The following EHHADH variants were observed in gnomAD, a reference collection of about 807,000 sequenced individuals.
EHHADH encodes enoyl-CoA hydratase and 3-hydroxyacyl CoA dehydrogenase.
A neutral mutation model predicts 64.4 loss-of-function variants in EHHADH; 48 were observed. The ratio of observed to expected loss-of-function variants is 0.75; its 90% CI spans 0.59 to 0.95. The LOEUF (loss-of-function observed/expected upper bound fraction) is 0.95. Ranked by LOEUF, EHHADH falls within the 40% of genes least tolerant of loss-of-function variation. The pLI is 0.00. For missense variants in EHHADH, 854 were observed against 876.6 expected (o/e 0.97, Z 0.33); for synonymous variants, 308 against 326.7 (o/e 0.94, Z 0.62).
chr3:185,235,578 T>TG, intron 2 of EHHADH, 116 bp from the exon 3 acceptor site: 1 of 934,896 alleles, frequency 1.1e-6, no homozygotes, highest in East Asian at 3.1e-5. Flanking sequence ...ATTTCTTAAT[T>TG]TTTTTTAGAG....
chr3:185,227,668 A>G (rs556021843), intron 4 of EHHADH, among the ~76,000 whole-genome samples: 6 of 151,140 alleles, frequency 4.0e-5, no homozygotes, highest in Non-Finnish European at 8.8e-5. Flanking sequence ...TCTACTAAAA[A>G]TACAAAAATT....
At chr3:185,200,187 T>C (rs985067703) in intron 6 of EHHADH, among the ~76,000 whole-genome samples, 3 of 152,196 alleles carry the variant, frequency 2.0e-5, no homozygotes, top group African/African-American at 7.2e-5. Context: ...CCACTGTGGA[T>C]GAAAACAGCT....
chr3:185,221,369 C>T (rs576794370), intron 4 of EHHADH, among the ~76,000 whole-genome samples: 4 of 152,212 alleles, frequency 2.6e-5, no homozygotes, highest in African/African-American at 7.2e-5. Flanking sequence ...ATGAATTTGA[C>T]ATTACATACT....
At chr3:185,206,091 T>A (rs1204789353) in intron 5 of EHHADH, among the ~76,000 whole-genome samples, 3 of 152,140 alleles carry the variant, frequency 2.0e-5, no homozygotes, top group Non-Finnish European at 2.9e-5. Flanking sequence ...CGTGGTTTAT[T>A]GGAAAGATTC....
chr3:185,210,353 G>A (rs952736777), intron 5 of EHHADH, among the ~76,000 whole-genome samples: 1 of 152,236 alleles, frequency 6.6e-6, no homozygotes, highest in Non-Finnish European at 1.5e-5. Context: ...CATAGATTCA[G>A]TTAAGAATCT....
intron 3 of EHHADH, 65 bp downstream of exon 3, chr3:185,235,225 C>T: frequency 7.0e-7 from 1 of 1,421,320 alleles, no homozygotes; most frequent in Non-Finnish European, 9.5e-7. Context: ...CTTATGACTA[C>T]ATTTAGAGTT....
At chr3:185,251,492 A>G (rs1719745656) in intron 1 of EHHADH, among the ~76,000 whole-genome samples, 1 of 152,252 alleles carries the variant, frequency 6.6e-6, no homozygotes. Context: ...AGGCCTATTA[A>G]TCAGGCATGT....
chr3:185,195,620 C>G (rs1271753764), intron 6 of EHHADH, among the ~76,000 whole-genome samples: 2 of 152,186 alleles, frequency 1.3e-5, no homozygotes, highest in African/African-American at 4.8e-5. Context: ...AAATCACACA[C>G]TTGCAACAAC....
In EHHADH at chr3:185,253,973, C is replaced by T. The variant is rs1180155433; in HGVS notation, c.50G>A (p.Arg17Gln). The T allele has an allele frequency of 6.2e-7, 1 of 1,613,912 alleles. No individual in the cohort carries two copies. Among genetic ancestry groups the T allele is most frequent in the African/African-American group, 1.3e-5 (1 of 75,034 alleles). ...CCTGATCGCGTTGACCGGCGGGTTTCGGAGGCGGATTAGCGCCAAGGCGTT... is the reference window on the plus strand; with the variant it reads ...CCTGATCGCGTTGACCGGCGGGTTTTGGAGGCGGATTAGCGCCAAGGCGTT... ...LHNALALIRL[R>Q]NPPVNAISTT... Residue 17 changes from arginine to glutamine, a missense_variant, in exon 1 of 7, where the codon CGA becomes CAA. By Grantham distance (43) the Arg-to-Gln change is conservative. Coordinates refer to ENST00000231887, the MANE Select transcript of EHHADH (RefSeq NM_001966.4).
rs751961403 is a variant in EHHADH at position 185,218,117 on chromosome 3, TTTA to T, written c.568+16_568+18del. On this transcript the variant is annotated intron_variant, in intron 5 of 6. Coordinates refer to ENST00000231887, the MANE Select transcript of EHHADH (RefSeq NM_001966.4). ...ATCCTGTTTACAGTCTTTGGCTATTTTTATTATTATCTTCTTACCTGAAACTCT... is the reference window on the plus strand; with the variant it reads ...ATCCTGTTTACAGTCTTTGGCTATTTTTATTATCTTCTTACCTGAAACTCT... 222 of 1,564,470 alleles carry T rather than the reference TTTA, an allele frequency of 1.4e-4. No individual in the cohort carries two copies. The highest frequency in any genetic ancestry group is 5.1e-4 in the Middle Eastern group (3 of 5,938).
intron 2 of EHHADH, chr3:185,245,579 A>C: frequency 1.3e-6 from 1 of 788,002 alleles, no homozygotes. Flanking sequence ...TAAGAGTTGC[A>C]TGTCCTTCTG....
chr3:185,193,742 C>T lies in EHHADH; in HGVS notation c.911-255G>A, dbSNP rs143711997. The stretch of plus-strand genomic sequence containing the variant: ...TGAGTCCAACGAGATTGTAGGTACA[C>T]AATTGATATACAAAAATCAAGTATA... On this transcript the variant is annotated intron_variant, in intron 6 of 6. Coordinates refer to ENST00000231887, the MANE Select transcript of EHHADH (RefSeq NM_001966.4). Among the ~76,000 whole-genome samples, 32 of 152,046 alleles carry T rather than the reference C, an allele frequency of 2.1e-4. No homozygotes were observed. In the East Asian group the frequency reaches 6.0e-3, roughly 28 times the overall value.
Position 185,192,376 on chromosome 3 carries a change from T to C in EHHADH, c.2022A>G (p.Thr674=). 1.9e-6 allele frequency: 3 copies of C among 1,614,200 alleles called. No homozygotes were observed. The highest frequency in any genetic ancestry group is 2.5e-6 in the Non-Finnish European group (3 of 1,180,034). The change falls in exon 7 of 7, where the codon ACA becomes ACG. Residue 674 remains threonine, a synonymous_variant. Transcript: ENST00000231887. ...MFYASTVGLP[T]VLEKLQKYYR... ...AATATTTCTGCAATTTCTCTAGAAC[T>C]GTGGGCAACCCAACTGTGGAAGCAT...
chr3:185,248,568 C>G (rs1471520099), intron 1 of EHHADH, 51 bp from the exon 2 acceptor site: 1 of 1,358,340 alleles, frequency 7.4e-7, no homozygotes, highest in Non-Finnish European at 1.0e-6. Flanking sequence ...TAAATTCCTA[C>G]CATTCAGAGT....
intron 3 of EHHADH, among the ~76,000 whole-genome samples, chr3:185,231,981 T>A (rs1323357894): frequency 6.7e-6 from 1 of 150,122 alleles, no homozygotes; most frequent in Non-Finnish European, 1.5e-5. Flanking sequence ...TTTTTTTTTT[T>A]AAAGTCAGAC....
chr3:185,251,324 A>G (rs750768734), intron 1 of EHHADH, among the ~76,000 whole-genome samples: 1 of 152,208 alleles, frequency 6.6e-6, no homozygotes, highest in Non-Finnish European at 1.5e-5. Context: ...GACTATATCA[A>G]ACAATATACC....
chr3:185,248,166 A>G (rs942143771), intron 2 of EHHADH: 4 of 434,554 alleles, frequency 9.2e-6, no homozygotes, highest in Non-Finnish European at 1.6e-5. Context: ...CAGCAGGTGT[A>G]TAACAGCCAT....
In EHHADH at chr3:185,245,820, C is replaced by A. The variant is rs1399156436; in HGVS notation, c.178+2594G>T. ...GAAGTTTTCTTGGTTCCTACTCAGACGACCTGTGGAGGTTGCATAACGAAT... is the reference window on the plus strand; with the variant it reads ...GAAGTTTTCTTGGTTCCTACTCAGAAGACCTGTGGAGGTTGCATAACGAAT... On this transcript the variant is annotated intron_variant, in intron 2 of 6. Coordinates refer to ENST00000231887, the MANE Select transcript of EHHADH (RefSeq NM_001966.4). The A allele has an allele frequency of 5.2e-6, 4 of 773,824 alleles. No individual in the cohort carries two copies. In the African/African-American group the frequency reaches 6.9e-5, roughly 13 times the overall value. The allele number at this position is 773,824 out of a possible 1,614,324, so 47.9% of individuals were successfully genotyped here.
intron 6 of EHHADH, among the ~76,000 whole-genome samples, chr3:185,196,314 C>T (rs1310247867): frequency 6.6e-6 from 1 of 151,790 alleles, no homozygotes; most frequent in African/African-American, 2.4e-5. Flanking sequence ...AAAAAATTAG[C>T]CAAAAAATAG....
Sources: gnomAD v4.1 joint callset for allele counts (sites outside exome capture counted in the v4.1 genomes callset) on GRCh38, gnomAD v4.1.1 for gene constraint, MANE v1.5 for transcripts, NCBI Gene and HGNC (gene_info 2026-07-23, HGNC 2026-07-21) for gene names.